The following CADM1 variants were observed in gnomAD, a reference collection of about 807,000 sequenced individuals.
CADM1 encodes cell adhesion molecule 1.
Under a neutral mutation model 53.1 loss-of-function variants are expected in CADM1, and 15 were observed. That is an observed-to-expected ratio of 0.28 (90% CI 0.19 to 0.44). The LOEUF is 0.44. Among genes scored for constraint, CADM1 ranks in the 20% least tolerant of loss-of-function variants. CADM1 has a pLI of 1.00. For missense variants in CADM1, 434 were observed against 611.3 expected, an observed-to-expected ratio of 0.71 and a Z score of 3.06; for synonymous variants, 281 against 243.0, an observed-to-expected ratio of 1.16 and a Z score of -1.45.
At position 115,175,633 on chromosome 11, in the gene CADM1, C is replaced by T. The variant is rs1006799025; in HGVS notation, c.*841G>A. On this transcript the variant is annotated 3_prime_UTR_variant, in exon 12 of 12. Transcript: ENST00000331581. ...TTAGGGCATGGAAAAAGGAGGAGTC[C>T]TTTCTGCCCCAAACCTTTCTGGACA... 8 of 985,496 alleles carry T rather than the reference C, an allele frequency of 8.1e-6. No individual in the cohort carries two copies. Among genetic ancestry groups the T allele is most frequent in the Non-Finnish European group, 8.4e-6 (7 of 829,980 alleles). The allele number at this position is 985,496 out of a possible 1,614,324, so 61.0% of individuals were successfully genotyped here. A position where few individuals can be genotyped will look rare whatever the true frequency, so the allele number is the denominator to read the frequency against.
At chr11:115,473,046 C>A (rs1949049646) in intron 1 of CADM1, among the ~76,000 whole-genome samples, 1 of 152,176 alleles carries the variant, frequency 6.6e-6, no homozygotes, top group African/African-American at 2.4e-5. Context: ...GCACAAGTTT[C>A]ATAGTCAGAA....
chr11:115,469,529 G>C (rs960241214), intron 1 of CADM1, among the ~76,000 whole-genome samples: 1 of 152,146 alleles, frequency 6.6e-6, no homozygotes, highest in African/African-American at 2.4e-5. Flanking sequence ...GCTTTAGGAT[G>C]ACATGAAACT....
In CADM1 at chr11:115,190,961, C is replaced by A. The variant is rs150689726; in HGVS notation, c.1112-20G>T. ...TAAGGCCTTACAAGTAAAAACAAAT[C>A]GTTTTTCTTTTCATTCCTCGAGGGA... On this transcript the variant is annotated intron_variant, in intron 9 of 11. Coordinates refer to ENST00000331581, the MANE Select transcript of CADM1 (RefSeq NM_001301043.2). The A allele has an allele frequency of 7.0e-6, 11 of 1,578,160 alleles. No homozygotes were observed. The highest frequency in any genetic ancestry group is 9.4e-6 in the Non-Finnish European group (11 of 1,168,480).
At chr11:115,178,839 A>G (rs921692322) in intron 10 of CADM1, 64 bp from the exon 11 acceptor site, 1 of 1,579,140 alleles carries the variant, frequency 6.3e-7, no homozygotes, top group African/African-American at 1.3e-5. Context: ...AGCCCCGGCG[A>G]CACTGTCTCC....
chr11:115,399,115 A>G (rs534297379), intron 1 of CADM1: 2 of 152,326 alleles, frequency 1.3e-5, no homozygotes, highest in East Asian at 3.9e-4. Context: ...GAGGAAATAG[A>G]AGAAGAAAAA....
At chr11:115,277,190 T>G (rs184455563) in intron 1 of CADM1, among the ~76,000 whole-genome samples, 1 of 152,290 alleles carries the variant, frequency 6.6e-6, no homozygotes, top group East Asian at 1.9e-4. Context: ...TCTGTTTTGT[T>G]TTGCCTATTA....
chr11:115,348,849 G>T (rs1412049815), intron 1 of CADM1, among the ~76,000 whole-genome samples: 1 of 152,102 alleles, frequency 6.6e-6, no homozygotes, highest in Non-Finnish European at 1.5e-5. Context: ...AGGGTCATCT[G>T]GGCAATTTAA....
rs757194461 is a variant in CADM1, at chr11:115,178,714, G to A, written c.1227C>T (p.Val409=). The A allele has an allele frequency of 1.5e-5, 25 of 1,613,688 alleles. No homozygotes were observed. The highest frequency in any genetic ancestry group is 1.1e-4 in the East Asian group (5 of 44,884). Residue 409 remains valine (V), a synonymous_variant, in exon 11 of 12, where the codon GTC becomes GTT. Coordinates refer to ENST00000331581, the MANE Select transcript of CADM1 (RefSeq NM_001301043.2). The part of the protein sequence containing the change: ...RAVDHAVIGG[V]VAVVVFAMLC... ...GCATGGCGAACACCACCACCGCCAC[G>A]ACGCCACCGATCACGGCATGATCCA...
rs755325540 is a variant in CADM1 at position 115,316,887 on chromosome 11, G to A, written c.125-76467C>T. On this transcript the variant is annotated intron_variant, in intron 1 of 11. Coordinates refer to ENST00000331581, the MANE Select transcript of CADM1 (RefSeq NM_001301043.2). ...TGCAACGTGCTATACTGACTTCCTA[G>A]TCAGCAAAAGTTAATGAATTGCAGA... Among the ~76,000 whole-genome samples, 6 of 152,146 alleles carry A rather than the reference G, an allele frequency of 3.9e-5. No individual in the cohort carries two copies. In the South Asian group the frequency reaches 8.3e-4, roughly 21 times the overall value.
At chr11:115,455,131 T>G (rs938896146) in intron 1 of CADM1, among the ~76,000 whole-genome samples, 3 of 152,196 alleles carry the variant, frequency 2.0e-5, no homozygotes, top group Admixed American at 6.5e-5. Flanking sequence ...CTTTTCTTTT[T>G]TCAGATTCTT....
intron 1 of CADM1, among the ~76,000 whole-genome samples, chr11:115,384,767 G>C (rs1352497506): frequency 1.3e-5 from 2 of 152,072 alleles, no homozygotes; most frequent in South Asian, 2.1e-4. Flanking sequence ...AAATAACTCT[G>C]GTGGAGGTGT....
intron 8 of CADM1, among the ~76,000 whole-genome samples, chr11:115,202,350 T>C (rs1488001373): frequency 6.6e-6 from 1 of 152,162 alleles, no homozygotes; most frequent in East Asian, 1.9e-4. Flanking sequence ...AACTAATCCA[T>C]AAATTGGTCC....
intron 1 of CADM1, chr11:115,377,439 T>C (rs1946466787): frequency 1.3e-5 from 2 of 152,188 alleles, no homozygotes; most frequent in African/African-American, 4.8e-5. Flanking sequence ...TGCATCTTTT[T>C]GTTAAATTTT....
At chr11:115,377,623 G>T (rs1946471439) in intron 1 of CADM1, 1 of 152,092 alleles carries the variant, frequency 6.6e-6, no homozygotes, top group African/African-American at 2.4e-5. Context: ...ATTCAAAATG[G>T]GCAACAGTAA....
At chr11:115,392,677 T>C (rs1348765149) in intron 1 of CADM1, among the ~76,000 whole-genome samples, 2 of 152,120 alleles carry the variant, frequency 1.3e-5, no homozygotes, top group Non-Finnish European at 2.9e-5. Flanking sequence ...AACATTCGCA[T>C]TCCCAAACAC....
intron 1 of CADM1, among the ~76,000 whole-genome samples, chr11:115,259,736 C>A (rs897032499): frequency 3.7e-4 from 57 of 152,114 alleles, no homozygotes; most frequent in African/African-American, 1.2e-3. Context: ...AAAGAAGGAG[C>A]TTTCCTCCAA....
intron 1 of CADM1, among the ~76,000 whole-genome samples, chr11:115,356,642 A>C (rs1945878961): frequency 6.6e-6 from 1 of 152,206 alleles, no homozygotes; most frequent in South Asian, 2.1e-4. Flanking sequence ...ATTTGTTTAA[A>C]GTAGCCCTTT....
intron 1 of CADM1, among the ~76,000 whole-genome samples, chr11:115,455,111 C>T (rs928648127): frequency 6.6e-6 from 1 of 152,142 alleles, no homozygotes; most frequent in Non-Finnish European, 1.5e-5. Context: ...GACTCTTTAT[C>T]AGATACATTC....
chr11:115,473,419 A>G lies in CADM1; in HGVS notation c.124+30852T>C, dbSNP rs111997463. Among the ~76,000 whole-genome samples the G allele has an allele frequency of 2.4e-3, 371 of 152,314 alleles. 1 individual carries two copies. Among genetic ancestry groups the G allele is most frequent in the African/African-American group, 8.6e-3 (359 of 41,564 alleles). On this transcript the variant is annotated intron_variant, in intron 1 of 11. Transcript: ENST00000331581. ...GGTTGCAGTGAGCCATTATGCCGCC[A>G]CTGCACTCCAGCCTGGATGACACAG...
Sources: allele counts gnomAD v4.1 joint callset (sites outside exome capture counted in the v4.1 genomes callset), GRCh38; gene constraint gnomAD v4.1.1; transcripts MANE v1.5; gene names NCBI Gene and HGNC (gene_info 2026-07-23, HGNC 2026-07-21).